Variants in NCK2 observed in about 807,000 individuals in gnomAD.
NCK2 encodes cytoplasmic protein NCK2.
A neutral mutation model predicts 33.9 loss-of-function variants in NCK2; 16 were observed. That is an observed-to-expected ratio of 0.47 (90% confidence interval 0.32 to 0.72). The LOEUF (loss-of-function observed/expected upper bound fraction) is 0.72, where lower values mean the gene tolerates loss of function less well. Among genes scored for constraint, NCK2 ranks in the 30% least tolerant of loss-of-function variants. The pLI is 0.03. For synonymous variants in NCK2, 273 were observed against 239.9 expected, an observed-to-expected ratio of 1.14 and a Z score of -1.27; for missense variants, 418 against 537.3, an observed-to-expected ratio of 0.78 and a Z score of 2.19.
In NCK2 at chr2:105,785,735, C is replaced by T. The variant is rs117865776; in HGVS notation, c.-200-30695C>T. 1.3e-4 allele frequency among the ~76,000 whole-genome samples: 20 copies of T among 152,210 alleles called. No homozygotes were observed. The East Asian group carries it at 3.9e-3, about 29-fold the overall frequency. On this transcript the variant is annotated intron_variant, in intron 1 of 4. Coordinates refer to ENST00000233154, the MANE Select transcript of NCK2 (RefSeq NM_003581.5). ...AAGTTTGCCTTTGTGCTTTATAAGC[C>T]GAAGCTTGGGAGAACCTGATCACAC...
At chr2:105,838,487 C>G (rs1174914401) in intron 2 of NCK2, among the ~76,000 whole-genome samples, 1 of 152,090 alleles carries the variant, frequency 6.6e-6, no homozygotes, top group Non-Finnish European at 1.5e-5. Context: ...TGTATACTCC[C>G]TGTACTTTCA....
At chr2:105,772,020 G>C (rs55991015) in intron 1 of NCK2, among the ~76,000 whole-genome samples, 2 of 152,184 alleles carry the variant, frequency 1.3e-5, no homozygotes, top group Non-Finnish European at 2.9e-5. Context: ...CTTCAGCTCT[G>C]AGTCTTTGAG....
At chr2:105,786,149 G>A (rs562291085) in intron 1 of NCK2, among the ~76,000 whole-genome samples, 1 of 152,278 alleles carries the variant, frequency 6.6e-6, no homozygotes, top group African/African-American at 2.4e-5. Flanking sequence ...TTGTGTCTAG[G>A]GCAGCATGAT....
chr2:105,886,565 G>A (rs1056790733), intron 4 of NCK2, among the ~76,000 whole-genome samples: 1 of 152,140 alleles, frequency 6.6e-6, no homozygotes, highest in African/African-American at 2.4e-5. Flanking sequence ...ATTCTGATGC[G>A]CCAATTTGAG....
chr2:105,860,662 T>C (rs1453082864), intron 3 of NCK2, among the ~76,000 whole-genome samples: 3 of 151,896 alleles, frequency 2.0e-5, no homozygotes, highest in African/African-American at 7.3e-5. Context: ...CCCATGTTCC[T>C]CTGCAGAGCT....
intron 2 of NCK2, chr2:105,854,680 C>T (rs893157852): frequency 1.7e-5 from 3 of 179,026 alleles, no homozygotes; most frequent in African/African-American, 7.1e-5. Context: ...TTATAAGACA[C>T]AGCATATCCT....
Position 105,796,987 on chromosome 2 carries a change from T to C in NCK2, c.-200-19443T>C, listed in dbSNP as rs142193522. ...AGTACCCCTAGCTGGGGTGAGTGTT[T>C]GCTGTGATGATGGTTACAAGCATAG... On this transcript the variant is annotated intron_variant, in intron 1 of 4. Transcript: ENST00000233154. Among the ~76,000 whole-genome samples the C allele has an allele frequency of 8.9e-3, 1,353 of 152,330 alleles. 8 individuals are homozygous for C. Among genetic ancestry groups the C allele is most frequent in the Non-Finnish European group, 0.014 (920 of 68,030 alleles).
intron 3 of NCK2, among the ~76,000 whole-genome samples, chr2:105,860,246 A>G (rs1348659298): frequency 6.6e-6 from 1 of 152,208 alleles, no homozygotes; most frequent in Non-Finnish European, 1.5e-5. Flanking sequence ...TGATTGCAAC[A>G]CTGCACTCCA....
At chr2:105,813,972 T>C (rs1018309295) in intron 1 of NCK2, among the ~76,000 whole-genome samples, 3 of 152,246 alleles carry the variant, frequency 2.0e-5, no homozygotes, top group African/African-American at 7.2e-5. Flanking sequence ...TGTATATTCC[T>C]GTCCTGAAGC....
chr2:105,783,073 A>T (rs1690555041), intron 1 of NCK2, among the ~76,000 whole-genome samples: 1 of 152,162 alleles, frequency 6.6e-6, no homozygotes, highest in African/African-American at 2.4e-5. Flanking sequence ...AACAAGATAG[A>T]TGGGGAAGCT....
At chr2:105,843,304 T>C (rs143912461) in intron 2 of NCK2, among the ~76,000 whole-genome samples, 27 of 152,102 alleles carry the variant, frequency 1.8e-4, no homozygotes, top group South Asian at 1.2e-3. Context: ...TTTTCACTTG[T>C]AGTGCTCAAG....
At chr2:105,762,717 C>G (rs898243002) in intron 1 of NCK2, among the ~76,000 whole-genome samples, 8 of 152,150 alleles carry the variant, frequency 5.3e-5, no homozygotes, top group Non-Finnish European at 1.2e-4. Context: ...TAGTGATGCA[C>G]GTGTGTTGAA....
At chr2:105,818,970 A>G (rs540304018) in intron 2 of NCK2, among the ~76,000 whole-genome samples, 18 of 152,340 alleles carry the variant, frequency 1.2e-4, no homozygotes, top group African/African-American at 4.3e-4. Context: ...GCATAAGATT[A>G]ATATGCAATA....
intron 3 of NCK2, among the ~76,000 whole-genome samples, chr2:105,868,156 T>C (rs1434184412): frequency 6.6e-6 from 1 of 152,202 alleles, no homozygotes; most frequent in African/African-American, 2.4e-5. Flanking sequence ...CGATGGACCT[T>C]GGCAAGTATG....
rs572992660 is a variant in NCK2 at position 105,853,102 on chromosome 2, A to G, written c.-16-1946A>G. ...CCCCTGTAATCCTAAAGTCATCCCT[A>G]TACAATAATGAGAACTTCTCTGTCA... On this transcript the variant is annotated intron_variant, in intron 2 of 4. Transcript: ENST00000233154. Among the ~76,000 whole-genome samples the G allele has an allele frequency of 4.6e-5, 7 of 152,268 alleles. No individual in the cohort carries two copies. In the South Asian group the frequency reaches 8.3e-4, roughly 18 times the overall value.
At chr2:105,772,785 C>T (rs1690175145) in intron 1 of NCK2, among the ~76,000 whole-genome samples, 1 of 152,054 alleles carries the variant, frequency 6.6e-6, no homozygotes, top group East Asian at 1.9e-4. Flanking sequence ...GTGCAGCTTC[C>T]TTTCATCTGG....
chr2:105,779,830 T>C (rs1462319209), intron 1 of NCK2, among the ~76,000 whole-genome samples: 1 of 152,156 alleles, frequency 6.6e-6, no homozygotes, highest in Admixed American at 6.5e-5. Context: ...TTCTGTATGA[T>C]GGATTAATTC....
At chr2:105,824,543 A>G (rs192164733) in intron 2 of NCK2, among the ~76,000 whole-genome samples, 145 of 152,152 alleles carry the variant, frequency 9.5e-4, no homozygotes, top group Non-Finnish European at 1.6e-3. Flanking sequence ...GCTAAATGTA[A>G]CCGTATCTTC....
intron 1 of NCK2, among the ~76,000 whole-genome samples, chr2:105,803,876 G>A (rs935572550): frequency 7.9e-5 from 12 of 152,212 alleles, no homozygotes; most frequent in African/African-American, 2.9e-4. Context: ...TCAGCCCAGA[G>A]TCTTTCTGTT....
Sources: allele counts gnomAD v4.1 joint callset (sites outside exome capture counted in the v4.1 genomes callset), GRCh38; gene constraint gnomAD v4.1.1; transcripts MANE v1.5; gene names NCBI Gene and HGNC (gene_info 2026-07-23, HGNC 2026-07-21).